Variants in SLC2A4 observed in about 807,000 individuals in gnomAD.
SLC2A4 encodes solute carrier family 2 member 4, also known as solute carrier family 2, facilitated glucose transporter member 4.
A neutral mutation model predicts 53.3 loss-of-function variants in SLC2A4; 31 were observed. The observed-to-expected ratio is 0.58, with a 90% CI of 0.44 to 0.78. The LOEUF (loss-of-function observed/expected upper bound fraction) is 0.78, where lower values mean the gene tolerates loss of function less well. Ranked by LOEUF, SLC2A4 falls within the 30% of genes least tolerant of loss-of-function variation. The probability of loss-of-function intolerance (pLI) is 0.00; values close to 1 mark genes in which losing one functional copy is unlikely to be tolerated. For missense variants in SLC2A4, 538 were observed against 655.7 expected (o/e 0.82, Z 1.96); for synonymous variants, 276 against 281.9 (o/e 0.98, Z 0.21).
rs2072428098 is a variant in SLC2A4 at position 7,284,147 on chromosome 17, A to T, written c.564+58A>T. Reference sequence around the variant, plus strand: ...AGTGGTTAGAGTGGGGCTCTGGAGAATATGGTGGGCTTCCAAGGTAAGGCA... The same window carrying T: ...AGTGGTTAGAGTGGGGCTCTGGAGATTATGGTGGGCTTCCAAGGTAAGGCA... On this transcript the variant is annotated intron_variant, in intron 5 of 10. Coordinates refer to ENST00000317370, the MANE Select transcript of SLC2A4 (RefSeq NM_001042.3). This position sits in a 1 kb window ranked among gnomAD's most constrained non-coding sequence, Gnocchi z 7.5. 2.5e-6 allele frequency: 4 copies of T among 1,610,744 alleles called. No homozygotes were observed. The Admixed American group carries it at 5.0e-5, about 20-fold the overall frequency.
Position 7,286,640 on chromosome 17 carries a change from A to G in SLC2A4, c.*11A>G. ...GATGAGAACGACTGAGGGGCCAGGC[A>G]GGGGTGGGAGAGCCAGCTCTCTCTA... On this transcript the variant is annotated 3_prime_UTR_variant, in exon 11 of 11. Transcript: ENST00000317370. 1 of 1,612,900 alleles carries G rather than the reference A, an allele frequency of 6.2e-7. No homozygotes were observed. The highest frequency in any genetic ancestry group is 1.7e-5 in the Admixed American group (1 of 60,026).
Position 7,283,303 on chromosome 17 carries a change from C to A in SLC2A4, c.92C>A (p.Ala31Glu). 6.2e-7 allele frequency: 1 copy of A among 1,614,114 alleles called. No homozygotes were observed. Among genetic ancestry groups the A allele is most frequent in the Non-Finnish European group, 8.5e-7 (1 of 1,180,002 alleles). ...ACCCTGGTCCTTGCTGTGTTCTCTG[C>A]GGTGCTTGGCTCCCTGCAGTTTGGG... ...TGTLVLAVFS[A>E]VLGSLQFGYN... Residue 31 changes from alanine (A) to glutamate (E), a missense_variant, in exon 2 of 11, where the codon GCG (alanine) becomes GAG (glutamate). Ala to Glu is a moderately radical substitution (Grantham distance 107). Coordinates refer to ENST00000317370, the MANE Select transcript of SLC2A4 (RefSeq NM_001042.3). The surrounding 1 kb of genome is among the most constrained non-coding windows in gnomAD (Gnocchi z 5.8).
In SLC2A4 at chr17:7,283,350, G is replaced by A; in HGVS notation, c.139G>A (p.Ala47Thr). 1 of 1,613,692 alleles carries A rather than the reference G, an allele frequency of 6.2e-7. No homozygotes were observed. Among genetic ancestry groups the A allele is most frequent in the South Asian group, 1.1e-5 (1 of 91,074 alleles). Residue 47 changes from alanine (A) to threonine (T), a missense_variant, in exon 2 of 11, where the codon GCC (alanine) becomes ACC (threonine). Transcript: ENST00000317370. The surrounding 1 kb of genome is among the most constrained non-coding windows in gnomAD (Gnocchi z 5.8). The stretch of plus-strand genomic sequence containing the variant: ...TGGGTACAACATTGGGGTCATCAAT[G>A]CCCCTCAGAAGGTGAGGGCCTGCAG... ...QFGYNIGVIN[A>T]PQKVIEQSYN...
At position 7,283,778 on chromosome 17, in the gene SLC2A4, G is replaced by A; in HGVS notation, c.364G>A (p.Gly122Arg). Residue 122 changes from glycine to arginine, a missense_variant, in exon 4 of 11, where the codon GGG becomes AGG. Coordinates refer to ENST00000317370, the MANE Select transcript of SLC2A4 (RefSeq NM_001042.3). The surrounding 1 kb of genome is among the most constrained non-coding windows in gnomAD (Gnocchi z 5.8). ...MLVNNVLAVL[G>R]GSLMGLANAA... ...GGTCAACAATGTCCTGGCGGTGCTG[G>A]GGGGCAGCCTCATGGGCCTGGCCAA... 1 of 1,614,072 alleles carries A rather than the reference G, an allele frequency of 6.2e-7. No homozygotes were observed.
chr17:7,285,057 G>A lies in SLC2A4; in HGVS notation c.1021-31G>A, dbSNP rs751441525. 6.2e-7 allele frequency: 1 copy of A among 1,609,690 alleles called. No individual in the cohort carries two copies. Among genetic ancestry groups the A allele is most frequent in the South Asian group, 1.1e-5 (1 of 90,796 alleles). On this transcript the variant is annotated intron_variant, in intron 8 of 10. Coordinates refer to ENST00000317370, the MANE Select transcript of SLC2A4 (RefSeq NM_001042.3). This position sits in a 1 kb window ranked among gnomAD's most constrained non-coding sequence, Gnocchi z 6.0. ...CCCCTCCTACTTCCCGTGCCCAAAA[G>A]GCTGGGGTCAAGCTCCGACTCTCCC...
In SLC2A4 at chr17:7,285,157, G is replaced by A. The variant is rs199806410; in HGVS notation, c.1090G>A (p.Ala364Thr). ...LLGLAGMCGCAILMTVALLLL... is the reference protein window; with the variant it reads ...LLGLAGMCGCTILMTVALLLL... ...GGGCCTGGCGGGCATGTGTGGCTGT[G>A]CCATCCTGATGACTGTGGCTCTGCT... is the stretch of plus-strand genomic sequence containing the variant. The change falls in exon 9 of 11, where the codon GCC becomes ACC. Residue 364 changes from alanine to threonine, a missense_variant. Physicochemically the swap from Ala to Thr is moderately conservative, Grantham distance 58. Transcript: ENST00000317370. The surrounding 1 kb of genome is among the most constrained non-coding windows in gnomAD (Gnocchi z 6.0). 1.9e-6 allele frequency: 3 copies of A among 1,602,942 alleles called. No homozygotes were observed. Among genetic ancestry groups the A allele is most frequent in the Admixed American group, 1.7e-5 (1 of 57,770 alleles).
Position 7,282,617 on chromosome 17 carries a change from A to G in SLC2A4, c.34-628A>G, listed in dbSNP as rs1483668362. 6.6e-6 allele frequency among the ~76,000 whole-genome samples: 1 copy of G among 152,180 alleles called. No individual in the cohort carries two copies. The highest frequency in any genetic ancestry group is 1.5e-5 in the Non-Finnish European group (1 of 68,016). On this transcript the variant is annotated intron_variant, in intron 1 of 10. Transcript: ENST00000317370. The surrounding 1 kb of genome is among the most constrained non-coding windows in gnomAD (Gnocchi z 4.1). ...GGACGGCCCTCCCTGCACGGAGGTT[A>G]GAGGGGGAGGGCAGGCCACGACGTA...
At position 7,282,119 on chromosome 17, in the gene SLC2A4, C is replaced by G. The variant is rs1167266978; in HGVS notation, c.33+152C>G. ...CTATTTATACCCGGCCTGGACAACCCGTGACTGTGAGATTCCAATCCTACC... is the reference window on the plus strand; with the variant it reads ...CTATTTATACCCGGCCTGGACAACCGGTGACTGTGAGATTCCAATCCTACC... On this transcript the variant is annotated intron_variant, in intron 1 of 10. Transcript: ENST00000317370. The surrounding 1 kb of genome is among the most constrained non-coding windows in gnomAD (Gnocchi z 4.1). 12 of 702,986 alleles carry G rather than the reference C, an allele frequency of 1.7e-5. No individual in the cohort carries two copies. Among genetic ancestry groups the G allele is most frequent in the Non-Finnish European group, 3.0e-5 (12 of 395,360 alleles). The allele number at this position is 702,986 out of a possible 1,614,324, so 43.5% of individuals were successfully genotyped here.
In SLC2A4 at chr17:7,284,044, G is replaced by A; in HGVS notation, c.519G>A (p.Gly173=). Residue 173 remains glycine (G), a synonymous_variant, in exon 5 of 11, where the codon GGG becomes GGA. Transcript: ENST00000317370. This position sits in a 1 kb window ranked among gnomAD's most constrained non-coding sequence, Gnocchi z 7.5. ...IAPTHLRGAL[G]TLNQLAIVIG... ...CCACTCACCTGCGGGGCGCCCTGGG[G>A]ACGCTCAACCAACTGGCCATTGTTA... 2 of 1,614,036 alleles carry A rather than the reference G, an allele frequency of 1.2e-6. No homozygotes were observed. Among genetic ancestry groups the A allele is most frequent in the Non-Finnish European group, 8.5e-7 (1 of 1,179,978 alleles).
rs551330652 is a variant in SLC2A4, at chr17:7,287,213, C to G, written c.*584C>G. ...GATCTTGCTTCACTGCAAGCTGTCT[C>G]CCAGGTTCACGCCATTCTCCTGCCT... On this transcript the variant is annotated 3_prime_UTR_variant, in exon 11 of 11. Coordinates refer to ENST00000317370, the MANE Select transcript of SLC2A4 (RefSeq NM_001042.3). 6.5e-6 allele frequency: 1 copy of G among 154,932 alleles called. No homozygotes were observed. Among genetic ancestry groups the G allele is most frequent in the Non-Finnish European group, 1.4e-5 (1 of 70,252 alleles). The allele number at this position is 154,932 out of a possible 1,614,324, so 9.6% of individuals were successfully genotyped here.
Position 7,283,047 on chromosome 17 carries a change from C to T in SLC2A4, c.34-198C>T. The T allele has an allele frequency of 1.5e-6, 1 of 653,886 alleles. No homozygotes were observed. The allele number at this position is 653,886 out of a possible 1,614,324, so 40.5% of individuals were successfully genotyped here. A position where few individuals can be genotyped will look rare whatever the true frequency, so the allele number is the denominator to read the frequency against. On this transcript the variant is annotated intron_variant, in intron 1 of 10. Coordinates refer to ENST00000317370, the MANE Select transcript of SLC2A4 (RefSeq NM_001042.3). This position sits in a 1 kb window ranked among gnomAD's most constrained non-coding sequence, Gnocchi z 5.8. The stretch of plus-strand genomic sequence containing the variant: ...TTATGGACCCAAACATCCAGTTTCT[C>T]CTTTATGCCCAGGTTGCAGTTCAGC...
In SLC2A4 at chr17:7,284,776, T is replaced by G; in HGVS notation, c.916-59T>G. The G allele has an allele frequency of 6.2e-7, 1 of 1,608,208 alleles. No homozygotes were observed. Among genetic ancestry groups the G allele is most frequent in the Non-Finnish European group, 8.5e-7 (1 of 1,174,564 alleles). On this transcript the variant is annotated intron_variant, in intron 7 of 10. Transcript: ENST00000317370. This position sits in a 1 kb window ranked among gnomAD's most constrained non-coding sequence, Gnocchi z 7.5. ...CACCCAGGGTAGGGCCAGCCTGTTG[T>G]GGCTGGAGTAGAGGAAGGGGCATTC...
chr17:7,284,637 C>T lies in SLC2A4; in HGVS notation c.880C>T (p.Leu294=). 6.2e-7 allele frequency: 1 copy of T among 1,614,154 alleles called. No individual in the cohort carries two copies. Among genetic ancestry groups the T allele is most frequent in the Non-Finnish European group, 8.5e-7 (1 of 1,180,040 alleles). ...HRQPLIIAVV[L]QLSQQLSGIN... The stretch of plus-strand genomic sequence containing the variant: ...GCAGCCCCTGATCATTGCGGTCGTG[C>T]TGCAGCTGAGCCAGCAGCTCTCTGG... The change falls in exon 7 of 11, where the codon CTG becomes TTG. Residue 294 remains leucine (L), a synonymous_variant. Coordinates refer to ENST00000317370, the MANE Select transcript of SLC2A4 (RefSeq NM_001042.3). This position sits in a 1 kb window ranked among gnomAD's most constrained non-coding sequence, Gnocchi z 7.5.
rs1397551922 is a variant in SLC2A4, at chr17:7,281,932, G to C, written c.-3G>C. ...CCTGCGCGTCCAGCTCTTCTAAGAC[G>C]AGATGCCGTCGGGCTTCCAACAGAT... is the stretch of plus-strand genomic sequence containing the variant. On this transcript the variant is annotated 5_prime_UTR_variant, in exon 1 of 11. Transcript: ENST00000317370. 3.2e-6 allele frequency: 5 copies of C among 1,586,066 alleles called. No individual in the cohort carries two copies. Among genetic ancestry groups the C allele is most frequent in the Middle Eastern group, 1.7e-4 (1 of 5,966 alleles).
At chr17:7,286,323 G>A (rs771621228) in intron 10 of SLC2A4, 103 bp from the exon 11 acceptor site, 187 of 912,600 alleles carry the variant, frequency 2.0e-4, no homozygotes, top group Middle Eastern at 2.7e-4. Flanking sequence ...GCTGTCTGCC[G>A]TCCCCCCAGC....
chr17:7,286,466 TC>T lies in SLC2A4; in HGVS notation c.1369del (p.Leu457CysfsTer10), dbSNP rs754941436. 2 of 1,614,192 alleles carry T rather than the reference TC, an allele frequency of 1.2e-6. No individual in the cohort carries two copies. Among genetic ancestry groups the T allele is most frequent in the Non-Finnish European group, 1.7e-6 (2 of 1,180,040 alleles). On this transcript the variant is annotated frameshift_variant, in exon 11 of 11. Coordinates refer to ENST00000317370, the MANE Select transcript of SLC2A4 (RefSeq NM_001042.3). LOFTEE classifies it high-confidence loss of function. ...GPYVFLLFAV[L>X]LLGFFIFTFL... ...TACGTCTTCCTTCTATTTGCGGTCC[TC>T]CTGCTGGGCTTCTTCATCTTCACCT...
rs1320583527 is a variant in SLC2A4 at position 7,286,437 on chromosome 17, G to A, written c.1338G>A (p.Gly446=). The change falls in exon 11 of 11, where the codon GGG becomes GGA. Residue 446 remains glycine, a synonymous_variant. Transcript: ENST00000317370. ...TCCACCTGTCCCAGGAGGCTATGGG[G>A]CCCTACGTCTTCCTTCTATTTGCGG... ...MGFQYVAEAM[G]PYVFLLFAVL... The A allele has an allele frequency of 6.2e-7, 1 of 1,613,870 alleles. No homozygotes were observed.
chr17:7,283,385 T>C lies in SLC2A4; in HGVS notation c.150+24T>C, dbSNP rs781146169. 1.2e-5 allele frequency: 19 copies of C among 1,609,632 alleles called. No homozygotes were observed. The highest frequency in any genetic ancestry group is 1.5e-5 in the Non-Finnish European group (18 of 1,177,696). On this transcript the variant is annotated intron_variant, in intron 2 of 10. Transcript: ENST00000317370. The surrounding 1 kb of genome is among the most constrained non-coding windows in gnomAD (Gnocchi z 5.8). Reference sequence around the variant, plus strand: ...AGGTGAGGGCCTGCAGCTGGCAGGGTGGGGGTACCCAAACGAGGAGGACAG... The same window carrying C: ...AGGTGAGGGCCTGCAGCTGGCAGGGCGGGGGTACCCAAACGAGGAGGACAG...
At position 7,286,623 on chromosome 17, in the gene SLC2A4, C is replaced by T. The variant is rs776107088; in HGVS notation, c.1524C>T (p.Asn508=). ...TTGAGTATTTAGGGCCAGATGAGAA[C>T]GACTGAGGGGCCAGGCAGGGGTGGG... ...TELEYLGPDE[N]D The change falls in exon 11 of 11, where the codon AAC becomes AAT. Residue 508 remains asparagine (N), a synonymous_variant. Coordinates refer to ENST00000317370, the MANE Select transcript of SLC2A4 (RefSeq NM_001042.3). 1.9e-5 allele frequency: 30 copies of T among 1,613,884 alleles called. No individual in the cohort carries two copies. Among genetic ancestry groups the T allele is most frequent in the South Asian group, 4.4e-5 (4 of 91,088 alleles).
Sources: allele counts gnomAD v4.1 joint callset (sites outside exome capture counted in the v4.1 genomes callset), GRCh38; gene constraint gnomAD v4.1.1; non-coding constraint Gnocchi (gnomAD v3.1); transcripts MANE v1.5; gene names NCBI Gene and HGNC (gene_info 2026-07-23, HGNC 2026-07-21).